The following CNTN5 variants were observed in gnomAD, a reference collection of about 807,000 sequenced individuals.
CNTN5 encodes contactin-5.
A neutral mutation model predicts 129.1 loss-of-function variants in CNTN5; 77 were observed. The ratio of observed to expected loss-of-function variants is 0.60; its 90% CI spans 0.50 to 0.72. The LOEUF (loss-of-function observed/expected upper bound fraction) is 0.72. CNTN5 is among the 30% of genes least tolerant of loss of function. The pLI, the probability that CNTN5 is intolerant of heterozygous loss-of-function variation, is 0.00. For missense variants in CNTN5, 1,478 were observed against 1,328.8 expected (o/e 1.11, Z -1.75); for synonymous variants, 509 against 465.6 (o/e 1.09, Z -1.20).
At chr11:100,066,465 C>G (rs141787536) in intron 10 of CNTN5, among the ~76,000 whole-genome samples, 1 of 152,054 alleles carries the variant, frequency 6.6e-6, no homozygotes, top group Non-Finnish European at 1.5e-5. Context: ...TTTCTAATGA[C>G]AAGAGATAAT....
chr11:99,507,602 AG>A (rs1414041017), intron 2 of CNTN5, among the ~76,000 whole-genome samples: 1 of 152,176 alleles, frequency 6.6e-6, no homozygotes, highest in African/African-American at 2.4e-5. Flanking sequence ...TATTCTAGAA[AG>A]AAATGCAGTA....
chr11:100,036,943 A>G (rs1942052394), intron 9 of CNTN5, among the ~76,000 whole-genome samples: 1 of 149,268 alleles, frequency 6.7e-6, no homozygotes, highest in South Asian at 2.2e-4. Flanking sequence ...CTCTTTTCCT[A>G]ATTGAAGACC....
At chr11:100,100,577 G>A (rs900117881) in intron 13 of CNTN5, among the ~76,000 whole-genome samples, 1 of 152,044 alleles carries the variant, frequency 6.6e-6, no homozygotes, top group Non-Finnish European at 1.5e-5. Context: ...TGCTTTTGCT[G>A]TACCTGGCTC....
At position 99,272,692 on chromosome 11, in the gene CNTN5, C is replaced by T. The variant is rs534019536; in HGVS notation, c.-209-52654C>T. On this transcript the variant is annotated intron_variant, in intron 1 of 24. Coordinates refer to ENST00000524871, the MANE Select transcript of CNTN5 (RefSeq NM_014361.4). Reference sequence around the variant, plus strand: ...TTAAAAATTAATCTGTACCATGATACTTACATTAAACAAAGTGTTAATTGT... The same window carrying T: ...TTAAAAATTAATCTGTACCATGATATTTACATTAAACAAAGTGTTAATTGT... Among the ~76,000 whole-genome samples, 8 of 151,894 alleles carry T rather than the reference C, an allele frequency of 5.3e-5. No individual in the cohort carries two copies. The South Asian group carries it at 1.7e-3, about 31-fold the overall frequency.
chr11:99,534,577 A>G (rs1255827547), intron 2 of CNTN5, among the ~76,000 whole-genome samples: 2 of 152,326 alleles, frequency 1.3e-5, no homozygotes, highest in South Asian at 2.1e-4. Flanking sequence ...GTTTACACAC[A>G]CTCATACAAA....
At position 99,512,433 on chromosome 11, in the gene CNTN5, C is replaced by T. The variant is rs7927255; in HGVS notation, c.-70-43712C>T. Among the ~76,000 whole-genome samples, 960 of 152,248 alleles carry T rather than the reference C, an allele frequency of 6.3e-3. 8 individuals carry two copies. The highest frequency in any genetic ancestry group is 0.022 in the African/African-American group (903 of 41,542). On this transcript the variant is annotated intron_variant, in intron 2 of 24. Transcript: ENST00000524871. The stretch of plus-strand genomic sequence containing the variant: ...AGAAATCGCCTAATGGGGCATTTCT[C>T]AAAATATATCCCTGCCATTAAGTGA...
At chr11:99,931,600 A>C (rs1950193768) in intron 7 of CNTN5, among the ~76,000 whole-genome samples, 1 of 152,230 alleles carries the variant, frequency 6.6e-6, no homozygotes, top group Non-Finnish European at 1.5e-5. Flanking sequence ...AAATGTAAAA[A>C]ATAATGGATC....
rs182364871 is a variant in CNTN5, at chr11:99,214,255, C to T, written c.-209-111091C>T. ...CCAGCTTATTCAAATGCACGGAGTC[C>T]TGATAAAACATGGAATTGAGGGAAA... On this transcript the variant is annotated intron_variant, in intron 1 of 24. Coordinates refer to ENST00000524871, the MANE Select transcript of CNTN5 (RefSeq NM_014361.4). Among the ~76,000 whole-genome samples, 190 of 151,820 alleles carry T rather than the reference C, an allele frequency of 1.3e-3. 3 individuals are homozygous for T. The highest frequency in any genetic ancestry group is 4.4e-3 in the African/African-American group (183 of 41,446).
intron 9 of CNTN5, among the ~76,000 whole-genome samples, chr11:100,021,440 T>C (rs1293928555): frequency 6.6e-6 from 1 of 152,152 alleles, no homozygotes; most frequent in Non-Finnish European, 1.5e-5. Context: ...TGTAGATCTG[T>C]CTGATTCTCC....
intron 2 of CNTN5, among the ~76,000 whole-genome samples, chr11:99,352,535 A>T (rs1429520987): frequency 6.6e-6 from 1 of 152,046 alleles, no homozygotes; most frequent in Admixed American, 6.5e-5. Flanking sequence ...TCTATAACTG[A>T]TCTCATGTTG....
intron 6 of CNTN5, among the ~76,000 whole-genome samples, chr11:99,869,433 A>G (rs1439808864): frequency 1.3e-5 from 2 of 152,118 alleles, no homozygotes; most frequent in Admixed American, 6.6e-5. Flanking sequence ...CATTAAAGAG[A>G]CCCTAACTTT....
intron 9 of CNTN5, among the ~76,000 whole-genome samples, chr11:100,049,292 G>T (rs1942840285): frequency 6.6e-6 from 1 of 152,016 alleles, no homozygotes. Flanking sequence ...GGCACAAAGG[G>T]TAGGAAGGAG....
intron 16 of CNTN5, chr11:100,225,450 A>G (rs1159815043): frequency 1.3e-5 from 2 of 152,066 alleles, no homozygotes; most frequent in Admixed American, 1.3e-4. Context: ...AGTATGGGAA[A>G]TAGAGATCAT....
chr11:100,335,062 G>A (rs1952005331), intron 21 of CNTN5, among the ~76,000 whole-genome samples: 1 of 151,900 alleles, frequency 6.6e-6, no homozygotes, highest in Non-Finnish European at 1.5e-5. Flanking sequence ...TTCTGGTGAA[G>A]GATTTTGATA....
intron 1 of CNTN5, among the ~76,000 whole-genome samples, chr11:99,196,724 T>C (rs1226769827): frequency 6.6e-6 from 1 of 151,964 alleles, no homozygotes; most frequent in Non-Finnish European, 1.5e-5. Flanking sequence ...AGTGAGTATA[T>C]TGTTTATTTT....
At chr11:99,409,715 A>T (rs1434020443) in intron 2 of CNTN5, among the ~76,000 whole-genome samples, 2 of 152,248 alleles carry the variant, frequency 1.3e-5, no homozygotes, top group Non-Finnish European at 2.9e-5. Context: ...GAACCGAGTG[A>T]ACTCGTTGAA....
At chr11:99,591,889 C>G (rs1565329291) in intron 3 of CNTN5, among the ~76,000 whole-genome samples, 1 of 151,936 alleles carries the variant, frequency 6.6e-6, no homozygotes, top group Admixed American at 6.6e-5. Context: ...CTTAAAATTG[C>G]TTAGTATAAT....
chr11:100,272,699 G>A (rs978959627), intron 18 of CNTN5, among the ~76,000 whole-genome samples: 22 of 152,068 alleles, frequency 1.4e-4, no homozygotes, highest in Admixed American at 3.9e-4. Flanking sequence ...GGGGGAAAAC[G>A]TTGGGACCCC....
intron 1 of CNTN5, among the ~76,000 whole-genome samples, chr11:99,044,558 A>T (rs1487305571): frequency 6.6e-6 from 1 of 152,126 alleles, no homozygotes; most frequent in Admixed American, 6.6e-5. Flanking sequence ...ACAGAGATGG[A>T]CCAAGTAAAG....
Sources: allele counts gnomAD v4.1 joint callset (sites outside exome capture counted in the v4.1 genomes callset), GRCh38; gene constraint gnomAD v4.1.1; transcripts MANE v1.5; gene names NCBI Gene and HGNC (gene_info 2026-07-23, HGNC 2026-07-21).